The following BDP1 variants were observed in gnomAD, a reference collection of about 807,000 sequenced individuals.
The protein encoded by BDP1 is BDP1 general transcription factor IIIB subunit, also known as transcription factor TFIIIB component B'' homolog.
BDP1 carries 169 observed loss-of-function variants against 266.6 expected under a neutral mutation model. The ratio of observed to expected loss-of-function variants is 0.63; its 90% confidence interval spans 0.56 to 0.72. The LOEUF (loss-of-function observed/expected upper bound fraction) is 0.72, where lower values mean the gene tolerates loss of function less well. BDP1 is among the 30% of genes least tolerant of loss of function. The pLI is 0.00. For synonymous variants in BDP1, 1,090 were observed against 1,022.4 expected, an observed-to-expected ratio of 1.07 and a Z score of -1.26; for missense variants, 3,015 against 3,053.8, an observed-to-expected ratio of 0.99 and a Z score of 0.30.
rs16877791 is a variant in BDP1, at chr5:71,538,805, A to T, written c.5893-237A>T. 6.8e-3 allele frequency among the ~76,000 whole-genome samples: 1,041 copies of T among 152,328 alleles called. 7 individuals are homozygous for T. The highest frequency in any genetic ancestry group is 0.023 in the African/African-American group (972 of 41,562). On this transcript the variant is annotated intron_variant, in intron 26 of 38. Transcript: ENST00000358731. ...ACATAACAAAATGATAAGAGTTAAA[A>T]TTTGCACATAATACAAGAAAAAGAT...
chr5:71,467,526 T>G (rs748776166), intron 6 of BDP1, 39 bp downstream of exon 6: 1 of 1,477,794 alleles, frequency 6.8e-7, no homozygotes, highest in East Asian at 2.3e-5. Context: ...AGTTCTCTAT[T>G]TGAAATGAAT....
chr5:71,510,619 C>G lies in BDP1; in HGVS notation c.3527C>G (p.Thr1176Ser). The change falls in exon 17 of 39, where the codon ACT becomes AGT. Residue 1176 changes from threonine (T) to serine (S), a missense_variant. Transcript: ENST00000358731. ...GAAATGGAGACAGACTTGAAAACAA[C>G]TGGAAGAGAGGGTTCCTCAAGGGAG... ...VDEMETDLKTTGREGSSREKT... is the reference protein window; with the variant it reads ...VDEMETDLKTSGREGSSREKT... 1 of 1,586,576 alleles carries G rather than the reference C, an allele frequency of 6.3e-7. No individual in the cohort carries two copies. Among genetic ancestry groups the G allele is most frequent in the Non-Finnish European group, 8.6e-7 (1 of 1,162,890 alleles).
At chr5:71,560,646 G>A (rs188488075) in intron 37 of BDP1, among the ~76,000 whole-genome samples, 5 of 152,258 alleles carry the variant, frequency 3.3e-5, no homozygotes, top group Non-Finnish European at 5.9e-5. Context: ...GTAAACCATG[G>A]CTTTCTCCCC....
intron 35 of BDP1, 49 bp downstream of exon 35, chr5:71,553,369 C>A (rs1050869829): frequency 1.5e-6 from 2 of 1,304,932 alleles, no homozygotes; most frequent in Non-Finnish European, 2.2e-6. Context: ...AGTAAGATGG[C>A]CATATTGCAA....
downstream of BDP1, among the ~76,000 whole-genome samples, chr5:71,568,212 G>T (rs1412755225): frequency 6.6e-6 from 1 of 152,138 alleles, no homozygotes; most frequent in Non-Finnish European, 1.5e-5. Flanking sequence ...AGTCTGCAAT[G>T]TGATTGTCCT....
At chr5:71,491,268 A>T in intron 11 of BDP1, 137 bp downstream of exon 11, 2 of 764,038 alleles carry the variant, frequency 2.6e-6, no homozygotes, top group South Asian at 4.5e-5. Context: ...TATATTTTGA[A>T]GCTCTGTTGT....
chr5:71,568,802 T>G (rs1255435281), downstream of BDP1, among the ~76,000 whole-genome samples: 5 of 152,222 alleles, frequency 3.3e-5, no homozygotes, highest in African/African-American at 1.2e-4. Flanking sequence ...GTTATACATG[T>G]CACATTTCAT....
chr5:71,522,181 C>T lies in BDP1; in HGVS notation c.4992-108C>T, dbSNP rs1331343909. 4 of 826,512 alleles carry T rather than the reference C, an allele frequency of 4.8e-6. No homozygotes were observed. The African/African-American group carries it at 5.1e-5, about 11-fold the overall frequency. The allele number at this position is 826,512 out of a possible 1,614,324, so 51.2% of individuals were successfully genotyped here. ...TTTTATTGCCAATTTATATATAGTC[C>T]TTTGAACATAGAATTGATTTGTATC... is the stretch of plus-strand genomic sequence containing the variant. On this transcript the variant is annotated intron_variant, in intron 22 of 38. Transcript: ENST00000358731.
chr5:71,530,003 T>C (rs1766133513), intron 25 of BDP1, among the ~76,000 whole-genome samples: 1 of 152,248 alleles, frequency 6.6e-6, no homozygotes, highest in African/African-American at 2.4e-5. Flanking sequence ...ATTGCACATA[T>C]CTGTGAATAT....
chr5:71,508,590 G>A (rs1022591893), intron 16 of BDP1, among the ~76,000 whole-genome samples: 1 of 151,796 alleles, frequency 6.6e-6, no homozygotes, highest in African/African-American at 2.4e-5. Flanking sequence ...AGCTCAATAC[G>A]TCTTTTTTTA....
chr5:71,520,408 A>G (rs1319703527), intron 22 of BDP1, among the ~76,000 whole-genome samples: 1 of 152,168 alleles, frequency 6.6e-6, no homozygotes, highest in African/African-American at 2.4e-5. Flanking sequence ...TTTTATTGAA[A>G]TGTTTTTTAC....
chr5:71,550,262 T>C (rs1266480874), intron 34 of BDP1, among the ~76,000 whole-genome samples: 1 of 152,090 alleles, frequency 6.6e-6, no homozygotes, highest in Non-Finnish European at 1.5e-5. Context: ...GGCCTGCGCC[T>C]GTAATCCCAG....
In BDP1 at chr5:71,549,520, T is replaced by A; in HGVS notation, c.6909T>A (p.Asp2303Glu). ...CCAATGCAGTAGAAGAATTTACTGATGCCACTGCACAGTTCATGCCAAACC... is the reference window on the plus strand; with the variant it reads ...CCAATGCAGTAGAAGAATTTACTGAAGCCACTGCACAGTTCATGCCAAACC... The part of the protein sequence containing the change: ...IPANAVEEFT[D>E]ATAQFMPNPL... The change falls in exon 34 of 39, where the codon GAT becomes GAA. Residue 2303 changes from aspartate (D) to glutamate (E), a missense_variant. Physicochemically the swap from Asp to Glu is conservative, Grantham distance 45 (BLOSUM62 2). This residue lies in a region of BDP1 where 629 missense variants were observed against 632.5 expected (regional missense o/e 0.99). Coordinates refer to ENST00000358731, the MANE Select transcript of BDP1 (RefSeq NM_018429.3). 1 of 1,614,104 alleles carries A rather than the reference T, an allele frequency of 6.2e-7. No homozygotes were observed.
chr5:71,471,000 C>T (rs1762208426), intron 7 of BDP1, among the ~76,000 whole-genome samples: 1 of 151,284 alleles, frequency 6.6e-6, no homozygotes, highest in South Asian at 2.1e-4. Flanking sequence ...ATGTTAGTTT[C>T]ATATTTTCTT....
intron 22 of BDP1, among the ~76,000 whole-genome samples, chr5:71,518,056 G>A (rs2150495652): frequency 6.6e-6 from 1 of 152,260 alleles, no homozygotes; most frequent in East Asian, 1.9e-4. Flanking sequence ...TAATTGAGAT[G>A]AGCTAGTAGG....
At chr5:71,512,538 GA>G in intron 18 of BDP1, 110 bp downstream of exon 18, 1 of 689,390 alleles carries the variant, frequency 1.5e-6, no homozygotes. Flanking sequence ...GAGCTTTTAA[GA>G]TAGTTTTGGG....
Position 71,502,675 on chromosome 5 carries a change from C to T in BDP1, c.2125C>T (p.Gln709Ter). ...LRPVQVRGRL[Q>*]KPKPNAGKAA... The stretch of plus-strand genomic sequence containing the variant: ...ACCTGTACAAGTGAGGGGCCGATTG[C>T]AAAAGCCAAAGCCAAATGCAGGTAA... The change falls in exon 15 of 39, where the codon CAA becomes TAA. Residue 709 changes from glutamine (Q) to a stop codon, truncating the protein, a stop_gained. Transcript: ENST00000358731. LOFTEE classifies it high-confidence loss of function. 1 of 1,613,914 alleles carries T rather than the reference C, an allele frequency of 6.2e-7. No individual in the cohort carries two copies. The highest frequency in any genetic ancestry group is 8.5e-7 in the Non-Finnish European group (1 of 1,179,970).
Position 71,565,950 on chromosome 5 carries a change from T to G in BDP1, c.*1065T>G, listed in dbSNP as rs2112147629. Reference sequence around the variant, plus strand: ...ATTTTTTATTTAAAAGGATATTCAGTTTTAGCTATTTTTACCCCTCAGATT... The same window carrying G: ...ATTTTTTATTTAAAAGGATATTCAGGTTTAGCTATTTTTACCCCTCAGATT... On this transcript the variant is annotated 3_prime_UTR_variant, in exon 39 of 39. Transcript: ENST00000358731. 1.1e-5 allele frequency: 2 copies of G among 186,522 alleles called. No homozygotes were observed. The highest frequency in any genetic ancestry group is 1.4e-4 in the South Asian group (2 of 13,814). 11.6% of individuals were successfully genotyped at this position (186,522 alleles called of 1,614,324 possible). A position where few individuals can be genotyped will look rare whatever the true frequency, so the allele number is the denominator to read the frequency against.
In BDP1 at chr5:71,560,045, C is replaced by T; in HGVS notation, c.7304C>T (p.Pro2435Leu). ...GGAAGCACACTGACAACTCCAGAAC[C>T]TCAAAGACAGCAAGTTGAAGCAGCT... ...TSGSTLTTPE[P>L]QRQQVEAAFQ... Residue 2435 changes from proline (P) to leucine (L), a missense_variant, in exon 37 of 39, where the codon CCT (proline) becomes CTT (leucine). By Grantham distance (98) the Pro-to-Leu change is moderately conservative. Coordinates refer to ENST00000358731, the MANE Select transcript of BDP1 (RefSeq NM_018429.3). 4.3e-6 allele frequency: 7 copies of T among 1,613,946 alleles called. No homozygotes were observed. Among genetic ancestry groups the T allele is most frequent in the African/African-American group, 2.7e-5 (2 of 75,020 alleles).
Sources: gnomAD v4.1 joint callset for allele counts (sites outside exome capture counted in the v4.1 genomes callset) on GRCh38, gnomAD v4.1.1 for gene constraint, gnomAD v4.1.1 regional missense constraint, MANE v1.5 for transcripts, NCBI Gene and HGNC (gene_info 2026-07-23, HGNC 2026-07-21) for gene names.